The following FBN2 variants were observed in gnomAD, a reference collection of about 807,000 sequenced individuals.
FBN2 encodes fibrillin 2, also known as fibrillin-2.
Under a neutral mutation model 355.6 loss-of-function variants are expected in FBN2, and 105 were observed. The ratio of observed to expected loss-of-function variants is 0.30; its 90% CI spans 0.25 to 0.35. The LOEUF is 0.35. Ranked by LOEUF, FBN2 falls within the 10% of genes least tolerant of loss-of-function variation. The probability of loss-of-function intolerance (pLI) is 1.00; values close to 1 mark genes in which losing one functional copy is unlikely to be tolerated. For synonymous variants in FBN2, 1,350 were observed against 1,301.2 expected, an observed-to-expected ratio of 1.04 and a Z score of -0.81; for missense variants, 3,280 against 3,758.7, an observed-to-expected ratio of 0.87 and a Z score of 3.33.
intron 5 of FBN2, among the ~76,000 whole-genome samples, chr5:128,497,409 G>C (rs1372817372): frequency 6.6e-6 from 1 of 152,198 alleles, no homozygotes; most frequent in Non-Finnish European, 1.5e-5. Context: ...ATCCCAAATG[G>C]ATGAGGAACA....
chr5:128,350,466 G>A (rs562025757), intron 21 of FBN2, among the ~76,000 whole-genome samples: 3 of 152,140 alleles, frequency 2.0e-5, no homozygotes, highest in Non-Finnish European at 4.4e-5. Flanking sequence ...CAGGAGAATC[G>A]CTTGAACCCG....
At chr5:128,317,863 C>A (rs1290014506) in intron 36 of FBN2, among the ~76,000 whole-genome samples, 1 of 152,208 alleles carries the variant, frequency 6.6e-6, no homozygotes, top group African/African-American at 2.4e-5. Context: ...CCTGGCCAAA[C>A]ACTGGACAAG....
At chr5:128,289,476 T>A (rs1749258068) in intron 51 of FBN2, among the ~76,000 whole-genome samples, 1 of 151,930 alleles carries the variant, frequency 6.6e-6, no homozygotes, top group Non-Finnish European at 1.5e-5. Flanking sequence ...TAGTCCCAGC[T>A]ACTTGGGGAG....
intron 32 of FBN2, among the ~76,000 whole-genome samples, chr5:128,332,486 A>C (rs1412548797): frequency 6.6e-6 from 1 of 152,244 alleles, no homozygotes; most frequent in Non-Finnish European, 1.5e-5. Context: ...TCCTGTAAGA[A>C]GAATTCTATT....
At chr5:128,285,969 G>A (rs1749136347) in intron 55 of FBN2, among the ~76,000 whole-genome samples, 1 of 152,126 alleles carries the variant, frequency 6.6e-6, no homozygotes, top group South Asian at 2.1e-4. Context: ...TTCATGTACA[G>A]TAAGAAGACA....
intron 5 of FBN2, among the ~76,000 whole-genome samples, chr5:128,514,357 A>G (rs1384307945): frequency 1.3e-5 from 2 of 152,154 alleles, no homozygotes; most frequent in African/African-American, 2.4e-5. Context: ...GTCCTGCATT[A>G]GTGAGCATTT....
At chr5:128,351,108 A>G in intron 20 of FBN2, 103 bp from the exon 21 acceptor site, 1 of 1,406,304 alleles carries the variant, frequency 7.1e-7, no homozygotes, top group South Asian at 1.2e-5. Flanking sequence ...AAAAAGAAAG[A>G]TTACTGGCTC....
At chr5:128,334,885 C>T (rs1750794324) in intron 30 of FBN2, 41 bp from the exon 31 acceptor site, 1 of 1,560,786 alleles carries the variant, frequency 6.4e-7, no homozygotes, top group Non-Finnish European at 8.8e-7. Flanking sequence ...GTGCTCATCA[C>T]AGTAATTTAA....
chr5:128,344,262 T>C, intron 25 of FBN2, 123 bp downstream of exon 25: 2 of 1,034,958 alleles, frequency 1.9e-6, no homozygotes, highest in Admixed American at 4.0e-5. Context: ...AAAAAGAAAT[T>C]AATAAATAAA....
intron 7 of FBN2, among the ~76,000 whole-genome samples, chr5:128,437,232 C>T (rs1300829644): frequency 1.3e-5 from 2 of 152,094 alleles, no homozygotes; most frequent in Non-Finnish European, 2.9e-5. Context: ...AATGGGGAAA[C>T]AAATGCCCAT....
chr5:128,269,995 A>T (rs746996597), intron 62 of FBN2, among the ~76,000 whole-genome samples: 11 of 152,206 alleles, frequency 7.2e-5, no homozygotes, highest in Non-Finnish European at 1.5e-5. Context: ...ACCAGAGCAG[A>T]CATATAGACC....
At chr5:128,321,478 T>C (rs1027379257) in intron 34 of FBN2, among the ~76,000 whole-genome samples, 1 of 152,126 alleles carries the variant, frequency 6.6e-6, no homozygotes, top group South Asian at 2.1e-4. Context: ...CAGTGTGTGA[T>C]GTTTCCCTCC....
chr5:128,328,369 A>G (rs1308413858), intron 34 of FBN2: 5 of 572,760 alleles, frequency 8.7e-6, no homozygotes, highest in Non-Finnish European at 1.6e-5. Context: ...CAAGTAATGG[A>G]GCATACTTTA....
Position 128,537,649 on chromosome 5 carries a change from G to T in FBN2, c.-46C>A. On this transcript the variant is annotated 5_prime_UTR_variant, in exon 1 of 65. Coordinates refer to ENST00000262464, the MANE Select transcript of FBN2 (RefSeq NM_001999.4). ...GGCCGTAGACCCGCGGAGAGGGAGTGATCAAAGACAAAATCTGCGCGCCTC... is the reference window on the plus strand; with the variant it reads ...GGCCGTAGACCCGCGGAGAGGGAGTTATCAAAGACAAAATCTGCGCGCCTC... 6.3e-7 allele frequency: 1 copy of T among 1,576,994 alleles called. No homozygotes were observed. Among genetic ancestry groups the T allele is most frequent in the Non-Finnish European group, 8.6e-7 (1 of 1,156,728 alleles).
chr5:128,469,605 G>A (rs1270178320), intron 5 of FBN2, among the ~76,000 whole-genome samples: 1 of 151,084 alleles, frequency 6.6e-6, no homozygotes, highest in African/African-American at 2.4e-5. Context: ...GTATTCTAAA[G>A]TGTTAAGAGT....
At chr5:128,444,002 A>G (rs1219567049) in intron 7 of FBN2, among the ~76,000 whole-genome samples, 1 of 146,112 alleles carries the variant, frequency 6.8e-6, no homozygotes, top group Non-Finnish European at 1.5e-5. Flanking sequence ...TTCCAGATAT[A>G]TTATACTACT....
intron 7 of FBN2, among the ~76,000 whole-genome samples, chr5:128,435,902 A>T (rs1753757517): frequency 6.6e-6 from 1 of 152,188 alleles, no homozygotes; most frequent in African/African-American, 2.4e-5. Flanking sequence ...TTTCATGTTT[A>T]TGACAATGAT....
chr5:128,305,106 T>A lies in FBN2; in HGVS notation c.5675-24A>T, dbSNP rs776607634. ...ATCTAAAACAGAAAAAAATAAATGT[T>A]ACATGTATCTGATTTTTATTAAGAT... is the stretch of plus-strand genomic sequence containing the variant. On this transcript the variant is annotated intron_variant, in intron 44 of 64. Coordinates refer to ENST00000262464, the MANE Select transcript of FBN2 (RefSeq NM_001999.4). 2.6e-6 allele frequency: 4 copies of A among 1,537,104 alleles called. No homozygotes were observed. The South Asian group carries it at 4.6e-5, about 18-fold the overall frequency.
At chr5:128,521,967 T>TA in intron 4 of FBN2, among the ~76,000 whole-genome samples, 1 of 152,324 alleles carries the variant, frequency 6.6e-6, no homozygotes, top group African/African-American at 2.4e-5. Context: ...TTATTGTTTA[T>TA]AAAAAATATT....
Sources: gnomAD v4.1 joint callset for allele counts (sites outside exome capture counted in the v4.1 genomes callset) on GRCh38, gnomAD v4.1.1 for gene constraint, MANE v1.5 for transcripts, NCBI Gene and HGNC (gene_info 2026-07-23, HGNC 2026-07-21) for gene names.